Variants in DDX19B observed in about 807,000 individuals in gnomAD.
DDX19B encodes ATP-dependent RNA helicase DDX19B.
A neutral mutation model predicts 58.1 loss-of-function variants in DDX19B; 27 were observed. That is an observed-to-expected ratio of 0.46 (90% CI 0.34 to 0.64). The LOEUF is 0.64. Ranked by LOEUF, DDX19B falls within the 30% of genes least tolerant of loss-of-function variation. The probability of loss-of-function intolerance (pLI) is 0.01; values close to 1 mark genes in which losing one functional copy is unlikely to be tolerated. For missense variants in DDX19B, 399 were observed against 596.5 expected, an observed-to-expected ratio of 0.67 and a Z score of 3.45; for synonymous variants, 187 against 214.4, an observed-to-expected ratio of 0.87 and a Z score of 1.12.
In DDX19B at chr16:70,333,872, A is replaced by G. The variant is rs952547226; in HGVS notation, c.*290A>G. 1.0e-5 allele frequency: 5 copies of G among 500,752 alleles called. No homozygotes were observed. Among genetic ancestry groups the G allele is most frequent in the Admixed American group, 3.4e-5 (1 of 29,450 alleles). The allele number at this position is 500,752 out of a possible 1,614,324, so 31.0% of individuals were successfully genotyped here. ...GCCAGTGTTTCCTTCATGCTAATCT[A>G]GATGCTGTGGCTGATTACTTGCCCA... On this transcript the variant is annotated 3_prime_UTR_variant, in exon 12 of 12. Coordinates refer to ENST00000288071, the MANE Select transcript of DDX19B (RefSeq NM_007242.7).
chr16:70,289,817 A>G (rs1961012105), upstream of DDX19B: 1 of 408,558 alleles, frequency 2.4e-6, no homozygotes, highest in Non-Finnish European at 4.8e-6. Context: ...CAAAGTCCTA[A>G]CACCACAATT....
chr16:70,310,509 C>T (rs1413418817), intron 1 of DDX19B, among the ~76,000 whole-genome samples: 1 of 151,984 alleles, frequency 6.6e-6, no homozygotes, highest in Non-Finnish European at 1.5e-5. Flanking sequence ...GCCACTGCAC[C>T]ACTCCAGCCT....
Position 70,323,044 on chromosome 16 carries a change from A to T in DDX19B, c.390-1541A>T, listed in dbSNP as rs556353203. On this transcript the variant is annotated intron_variant, in intron 5 of 11. Transcript: ENST00000288071. ...TGTTTGTTTTTTCCCCTGCCGGAAGACCTCATTTTCCTCGTCCATATCTTT... is the reference window on the plus strand; with the variant it reads ...TGTTTGTTTTTTCCCCTGCCGGAAGTCCTCATTTTCCTCGTCCATATCTTT... 2.0e-5 allele frequency among the ~76,000 whole-genome samples: 3 copies of T among 151,750 alleles called. No individual in the cohort carries two copies. The South Asian group carries it at 6.3e-4, about 32-fold the overall frequency.
chr16:70,297,411 C>T (rs1961267083), upstream of DDX19B, among the ~76,000 whole-genome samples: 1 of 152,008 alleles, frequency 6.6e-6, no homozygotes, highest in Non-Finnish European at 1.5e-5. Context: ...TAGGGTTTCA[C>T]CATGTTGGCC....
chr16:70,307,689 GTGTGTATGTATATA>G (rs1237394729), intron 1 of DDX19B, among the ~76,000 whole-genome samples: 1 of 151,174 alleles, frequency 6.6e-6, no homozygotes, highest in African/African-American at 2.4e-5. Context: ...GTGTGTGTGT[GTGTGTATGTATATA>G]TGTGTGTGTG....
chr16:70,312,765 T>C, intron 2 of DDX19B, 108 bp downstream of exon 2: 3 of 825,534 alleles, frequency 3.6e-6, no homozygotes, highest in South Asian at 1.6e-5. Context: ...AGGCAGGGCA[T>C]TGGCAGATAC....
rs1018446094 is a variant in DDX19B at position 70,330,314 on chromosome 16, C to T, written c.1023+246C>T. Among the ~76,000 whole-genome samples, 10 of 152,178 alleles carry T rather than the reference C, an allele frequency of 6.6e-5. No homozygotes were observed. In the South Asian group the frequency reaches 1.0e-3, roughly 16 times the overall value. On this transcript the variant is annotated intron_variant, in intron 9 of 11. Transcript: ENST00000288071. The stretch of plus-strand genomic sequence containing the variant: ...AAGAATATAAGCTGGGCGGCTGGCA[C>T]GGTGGCTCATGCCTGTAATCCCTGC...
chr16:70,330,470 C>T (rs909090472), intron 9 of DDX19B, among the ~76,000 whole-genome samples: 6 of 152,076 alleles, frequency 3.9e-5, no homozygotes, highest in African/African-American at 1.4e-4. Flanking sequence ...CACCTGTAAT[C>T]CCAGCTACTC....
chr16:70,333,075 C>T lies in DDX19B; in HGVS notation c.1294C>T (p.Arg432Cys), dbSNP rs1963562814. ...TYLHRIGRTG[R>C]FGKRGLAVNM... The stretch of plus-strand genomic sequence containing the variant: ...CCTGCACCGGATCGGGCGCACGGGC[C>T]GCTTTGGCAAGAGGGGCCTGGCAGT... The change falls in exon 11 of 12, where the codon CGC becomes TGC. Residue 432 changes from arginine to cysteine, a missense_variant. Physicochemically the swap from Arg to Cys is radical, Grantham distance 180. This residue lies in a region of DDX19B where 198 missense variants were observed against 345.9 expected (regional missense o/e 0.57). Transcript: ENST00000288071. 8 of 1,603,950 alleles carry T rather than the reference C, an allele frequency of 5.0e-6. No homozygotes were observed. Among genetic ancestry groups the T allele is most frequent in the Non-Finnish European group, 6.8e-6 (8 of 1,174,016 alleles).
intron 5 of DDX19B, among the ~76,000 whole-genome samples, chr16:70,318,797 A>G (rs960486801): frequency 2.2e-5 from 3 of 133,968 alleles, no homozygotes; most frequent in African/African-American, 8.2e-5. Context: ...ACTCCATCTC[A>G]AAAAAAAAAA....
intron 10 of DDX19B, among the ~76,000 whole-genome samples, 162 bp downstream of exon 10, chr16:70,332,046 G>A (rs982986153): frequency 6.6e-6 from 1 of 152,168 alleles, no homozygotes; most frequent in Admixed American, 6.6e-5. Flanking sequence ...TTTCCCTCAG[G>A]TGATAAGAAC....
At chr16:70,310,628 T>C (rs1962032965) in intron 1 of DDX19B, among the ~76,000 whole-genome samples, 1 of 152,198 alleles carries the variant, frequency 6.6e-6, no homozygotes, top group Non-Finnish European at 1.5e-5. Context: ...TGATATTTTA[T>C]GATTAGGGTT....
intron 5 of DDX19B, among the ~76,000 whole-genome samples, chr16:70,318,592 G>T (rs898559114): frequency 2.0e-5 from 3 of 149,416 alleles, no homozygotes; most frequent in African/African-American, 7.4e-5. Context: ...AGGAGTTTGA[G>T]ACCAGGCTGA....
In DDX19B at chr16:70,309,557, C is replaced by A. The variant is rs548256882; in HGVS notation, c.58-3052C>A. Reference sequence around the variant, plus strand: ...GCTCCTGGCTGGGTGCAGTGGCTTACGCCTGTAATCCCAGCACTTTGGGAG... The same window carrying A: ...GCTCCTGGCTGGGTGCAGTGGCTTAAGCCTGTAATCCCAGCACTTTGGGAG... On this transcript the variant is annotated intron_variant, in intron 1 of 11. Coordinates refer to ENST00000288071, the MANE Select transcript of DDX19B (RefSeq NM_007242.7). Among the ~76,000 whole-genome samples, 1,001 of 134,954 alleles carry A rather than the reference C, an allele frequency of 7.4e-3. 7 individuals are homozygous for A. Among genetic ancestry groups the A allele is most frequent in the Non-Finnish European group, 9.7e-3 (603 of 62,446 alleles). 88.5% of individuals were successfully genotyped at this position (134,954 alleles called of 152,430 possible). A position where few individuals can be genotyped will look rare whatever the true frequency, so the allele number is the denominator to read the frequency against.
upstream of DDX19B, chr16:70,294,989 G>C (rs1961168489): frequency 7.2e-7 from 1 of 1,395,640 alleles, no homozygotes. Context: ...CCCTACTCCT[G>C]GGTAGAGGAA....
intron 5 of DDX19B, among the ~76,000 whole-genome samples, chr16:70,324,148 C>T (rs967577218): frequency 6.6e-5 from 10 of 151,860 alleles, no homozygotes; most frequent in South Asian, 4.1e-4. Context: ...CTGAATGAAA[C>T]GAGGAATTAT....
At chr16:70,330,117 T>A in intron 9 of DDX19B, 49 bp downstream of exon 9, 2 of 1,605,890 alleles carry the variant, frequency 1.2e-6, no homozygotes, top group Non-Finnish European at 8.5e-7. Context: ...CTCAGCCAGC[T>A]CCCCACAGGG....
chr16:70,299,189 G>C lies in DDX19B; in HGVS notation c.-109G>C. The C allele has an allele frequency of 7.1e-7, 1 of 1,402,286 alleles. No homozygotes were observed. Among genetic ancestry groups the C allele is most frequent in the Non-Finnish European group, 9.3e-7 (1 of 1,079,842 alleles). 86.9% of individuals were successfully genotyped at this position (1,402,286 alleles called of 1,614,324 possible). A position where few individuals can be genotyped will look rare whatever the true frequency, so the allele number is the denominator to read the frequency against. The stretch of plus-strand genomic sequence containing the variant: ...TGTGGCGCGCCGCTTCCGGTCTGCA[G>C]CCTTGTAGTGGGGCTGGAGCAGAGC... On this transcript the variant is annotated 5_prime_UTR_variant, in exon 1 of 12. Coordinates refer to ENST00000288071, the MANE Select transcript of DDX19B (RefSeq NM_007242.7).
At chr16:70,310,728 A>T (rs1962038003) in intron 1 of DDX19B, among the ~76,000 whole-genome samples, 1 of 151,916 alleles carries the variant, frequency 6.6e-6, no homozygotes, top group Non-Finnish European at 1.5e-5. Flanking sequence ...ATGCTTTCTG[A>T]CCTTTAAAAA....
Sources: gnomAD v4.1 joint callset for allele counts (sites outside exome capture counted in the v4.1 genomes callset) on GRCh38, gnomAD v4.1.1 for gene constraint, gnomAD v4.1.1 regional missense constraint, MANE v1.5 for transcripts, NCBI Gene and HGNC (gene_info 2026-07-23, HGNC 2026-07-21) for gene names.